PTPRN2: variants seen among roughly 807,000 people sequenced by gnomAD.
PTPRN2 encodes receptor-type tyrosine-protein phosphatase N2.
Under a neutral mutation model 118.8 loss-of-function variants are expected in PTPRN2, and 74 were observed. The ratio of observed to expected loss-of-function variants is 0.62; its 90% CI spans 0.52 to 0.76. The LOEUF is 0.76. PTPRN2 is among the 30% of genes least tolerant of loss of function. The pLI is 0.00. For synonymous variants in PTPRN2, 641 were observed against 608.0 expected (o/e 1.05, Z -0.80); for missense variants, 1,481 against 1,394.4 (o/e 1.06, Z -0.99).
chr7:158,273,910 GGGAGGAGCCGCAGACACA>G (rs1244498198), intron 3 of PTPRN2, among the ~76,000 whole-genome samples: 58 of 124,804 alleles, frequency 4.6e-4, no homozygotes, highest in African/African-American at 1.8e-3. Context: ...AGACAGACGC[GGGAGGAGCCGCAGACACA>G]GGGGGAGCCG....
chr7:157,592,911 T>G (rs1255062245), intron 17 of PTPRN2, among the ~76,000 whole-genome samples: 2 of 137,400 alleles, frequency 1.5e-5, no homozygotes, highest in African/African-American at 5.7e-5. Flanking sequence ...GCCAAGAGGC[T>G]TCACGCAGGA....
intron 2 of PTPRN2, among the ~76,000 whole-genome samples, chr7:158,389,411 G>A (rs541528190): frequency 6.6e-6 from 1 of 152,344 alleles, no homozygotes; most frequent in African/African-American, 2.4e-5. Context: ...GAGATGTATT[G>A]TGCCTTCTTT....
chr7:158,305,985 G>A (rs1188034671), intron 3 of PTPRN2, among the ~76,000 whole-genome samples: 3 of 152,074 alleles, frequency 2.0e-5, no homozygotes, highest in African/African-American at 7.2e-5. Context: ...CACAGGGTGG[G>A]GTTAGAGTGC....
intron 12 of PTPRN2, among the ~76,000 whole-genome samples, chr7:157,762,822 C>T (rs547348278): frequency 3.2e-4 from 49 of 152,280 alleles, no homozygotes; most frequent in African/African-American, 1.1e-3. Context: ...CCCCAGGCAC[C>T]GCATGCAGGG....
chr7:158,486,397 G>A (rs1454437344), intron 2 of PTPRN2, among the ~76,000 whole-genome samples: 1 of 152,200 alleles, frequency 6.6e-6, no homozygotes, highest in African/African-American at 2.4e-5. Flanking sequence ...CCTGTGTTTG[G>A]ATGTGTCCCA....
intron 11 of PTPRN2, among the ~76,000 whole-genome samples, chr7:158,033,639 A>G (rs188964698): frequency 6.6e-6 from 1 of 152,320 alleles, no homozygotes; most frequent in Admixed American, 6.5e-5. Context: ...CCTCACACCA[A>G]TGTAATGAAA....
intron 13 of PTPRN2, among the ~76,000 whole-genome samples, chr7:157,657,312 C>CACAT (rs1795573578): frequency 8.8e-6 from 1 of 113,846 alleles, no homozygotes. Flanking sequence ...CACACACACA[C>CACAT]CACACACATC....
At chr7:157,586,935 CG>C (rs1194004843) in intron 17 of PTPRN2, among the ~76,000 whole-genome samples, 1 of 152,204 alleles carries the variant, frequency 6.6e-6, no homozygotes, top group Non-Finnish European at 1.5e-5. Flanking sequence ...TCCCCTCCAC[CG>C]GGGCCAGGCC....
intron 10 of PTPRN2, among the ~76,000 whole-genome samples, chr7:158,096,576 A>G (rs1295318030): frequency 1.3e-5 from 2 of 152,206 alleles, no homozygotes; most frequent in African/African-American, 2.4e-5. Context: ...GTTTTGACGT[A>G]CTGTGACATT....
rs187432866 is a variant in PTPRN2 at position 157,901,165 on chromosome 7, G to T, written c.1724-2428C>A. Among the ~76,000 whole-genome samples, 685 of 152,316 alleles carry T rather than the reference G, an allele frequency of 4.5e-3. 6 individuals carry two copies. The highest frequency in any genetic ancestry group is 0.015 in the African/African-American group (630 of 41,558). ...TTGTTAACAATCAGCTCTCACAGGAGTTAAGAGAGCGAGAAGTCGCTCACC... is the reference window on the plus strand; with the variant it reads ...TTGTTAACAATCAGCTCTCACAGGATTTAAGAGAGCGAGAAGTCGCTCACC... On this transcript the variant is annotated intron_variant, in intron 11 of 22. Transcript: ENST00000389418.
intron 5 of PTPRN2, among the ~76,000 whole-genome samples, chr7:158,172,986 G>A (rs977853368): frequency 3.3e-5 from 4 of 121,606 alleles, no homozygotes; most frequent in Non-Finnish European, 5.0e-5. Flanking sequence ...CCCCATCATC[G>A]ACAGCAGCAT....
At chr7:158,111,213 C>T (rs1346159045) in intron 9 of PTPRN2, among the ~76,000 whole-genome samples, 1 of 152,172 alleles carries the variant, frequency 6.6e-6, no homozygotes, top group Non-Finnish European at 1.5e-5. Flanking sequence ...CAGGCAGGTG[C>T]GGCGGATGCT....
At chr7:157,702,276 A>G (rs1798117364) in intron 12 of PTPRN2, among the ~76,000 whole-genome samples, 1 of 150,168 alleles carries the variant, frequency 6.7e-6, no homozygotes, top group African/African-American at 2.5e-5. Context: ...CTGTGCATTT[A>G]TAAGAAAGCC....
chr7:157,947,912 G>C (rs1800584161), intron 11 of PTPRN2, among the ~76,000 whole-genome samples: 1 of 152,204 alleles, frequency 6.6e-6, no homozygotes, highest in Admixed American at 6.5e-5. Context: ...TATTTAATGT[G>C]CTGAAAGAAA....
In PTPRN2 at chr7:157,808,540, CTG is replaced by C. The variant is rs1379392622; in HGVS notation, c.1788+90131_1788+90132del. Among the ~76,000 whole-genome samples, 2 of 152,184 alleles carry C rather than the reference CTG, an allele frequency of 1.3e-5. No individual in the cohort carries two copies. The highest frequency in any genetic ancestry group is 2.9e-5 in the Non-Finnish European group (2 of 68,044). On this transcript the variant is annotated intron_variant, in intron 12 of 22. Coordinates refer to ENST00000389418, the MANE Select transcript of PTPRN2 (RefSeq NM_002847.5). The surrounding 1 kb of genome is among the most constrained non-coding windows in gnomAD (Gnocchi z 5.0). ...AAATCTAATGCCTGATGATCTGTCA[CTG>C]TCTCCCATCACCCCCAGATGGGACC...
chr7:158,460,507 T>C (rs527319688), intron 2 of PTPRN2, among the ~76,000 whole-genome samples: 1 of 151,190 alleles, frequency 6.6e-6, no homozygotes, highest in Admixed American at 6.6e-5. Context: ...AGAATGGGAC[T>C]CTATCTACAT....
intron 3 of PTPRN2, among the ~76,000 whole-genome samples, chr7:158,206,574 A>T (rs922894030): frequency 2.6e-5 from 4 of 151,400 alleles, no homozygotes; most frequent in African/African-American, 9.7e-5. Context: ...GGAGGGGGGG[A>T]GAGAGAGAGA....
rs944407002 is a variant in PTPRN2 at position 157,764,481 on chromosome 7, T to C, written c.1789-81544A>G. Reference sequence around the variant, plus strand: ...GCTAAGTGAAATAAGCCAGTCACAATATGATAAACACTGTGTGATTCCACT... The same window carrying C: ...GCTAAGTGAAATAAGCCAGTCACAACATGATAAACACTGTGTGATTCCACT... On this transcript the variant is annotated intron_variant, in intron 12 of 22. Transcript: ENST00000389418. The surrounding 1 kb of genome is among the most constrained non-coding windows in gnomAD (Gnocchi z 4.5). 4.6e-5 allele frequency among the ~76,000 whole-genome samples: 7 copies of C among 152,190 alleles called. No individual in the cohort carries two copies. The highest frequency in any genetic ancestry group is 1.3e-4 in the Admixed American group (2 of 15,286).
chr7:158,068,439 C>A (rs559029871), intron 11 of PTPRN2, among the ~76,000 whole-genome samples: 1 of 152,220 alleles, frequency 6.6e-6, no homozygotes, highest in African/African-American at 2.4e-5. Context: ...GAGGTGGGTG[C>A]CCAGCACCAC....
Sources: gnomAD v4.1 joint callset for allele counts (sites outside exome capture counted in the v4.1 genomes callset) on GRCh38, gnomAD v4.1.1 for gene constraint, Gnocchi (gnomAD v3.1) non-coding constraint, MANE v1.5 for transcripts, NCBI Gene and HGNC (gene_info 2026-07-23, HGNC 2026-07-21) for gene names.